Variants in HELLS observed in about 807,000 individuals in gnomAD.
The protein encoded by HELLS is helicase, lymphoid specific.
In HELLS, 32 loss-of-function variants were observed where a neutral mutation model predicts 120.0. The observed-to-expected ratio is 0.27, with a 90% confidence interval of 0.20 to 0.36. HELLS has a LOEUF of 0.36. Ranked by LOEUF, HELLS falls within the 10% of genes least tolerant of loss-of-function variation. HELLS has a pLI of 1.00. For synonymous variants in HELLS, 341 were observed against 323.4 expected, an observed-to-expected ratio of 1.05 and a Z score of -0.58; for missense variants, 650 against 993.4, an observed-to-expected ratio of 0.65 and a Z score of 4.65.
intron 2 of HELLS, among the ~76,000 whole-genome samples, chr10:94,549,502 G>A (rs1358379502): frequency 1.3e-5 from 2 of 152,188 alleles, no homozygotes; most frequent in Admixed American, 1.3e-4. Context: ...TAGTGCCTGT[G>A]AAGTGGAGGA....
intron 4 of HELLS, among the ~76,000 whole-genome samples, chr10:94,561,244 G>A (rs1843542951): frequency 6.6e-6 from 1 of 151,942 alleles, no homozygotes; most frequent in South Asian, 2.1e-4. Flanking sequence ...CTTGGCCTCT[G>A]AAAGTGCTGG....
intron 21 of HELLS, among the ~76,000 whole-genome samples, chr10:94,598,279 C>G (rs1484339628): frequency 1.3e-5 from 2 of 152,114 alleles, no homozygotes; most frequent in Non-Finnish European, 2.9e-5. Flanking sequence ...CGGATACAGG[C>G]AGAAACTAGA....
rs374632496 is a variant in HELLS, at chr10:94,592,445, C to T, written c.1902C>T (p.Tyr634=). The T allele has an allele frequency of 5.0e-6, 8 of 1,584,718 alleles. No individual in the cohort carries two copies. Among genetic ancestry groups the T allele is most frequent in the Non-Finnish European group, 6.8e-6 (8 of 1,168,830 alleles). The change falls in exon 17 of 22, where the codon TAC becomes TAT. Residue 634 remains tyrosine (Y), a synonymous_variant. Transcript: ENST00000348459. ...GCATGTTGGACATTTTGATGGATTA[C>T]TGCCATCTCAGAGATTTCAACTTCA... is the stretch of plus-strand genomic sequence containing the variant. ...MTSMLDILMD[Y]CHLRDFNFSR... is the part of the protein sequence containing the mutation.
chr10:94,604,161 G>A (rs1434015345), downstream of HELLS, among the ~76,000 whole-genome samples: 1 of 137,798 alleles, frequency 7.3e-6, no homozygotes, highest in African/African-American at 2.7e-5. Context: ...GTTTCACTTC[G>A]TCACCTGGGC....
intron 21 of HELLS, among the ~76,000 whole-genome samples, chr10:94,597,828 A>G (rs1413280856): frequency 6.6e-6 from 1 of 152,140 alleles, no homozygotes; most frequent in Non-Finnish European, 1.5e-5. Flanking sequence ...CCACTGCACC[A>G]AGCCTAACGT....
intron 3 of HELLS, among the ~76,000 whole-genome samples, chr10:94,555,638 CT>C (rs914910010): frequency 1.3e-5 from 2 of 151,630 alleles, no homozygotes; most frequent in African/African-American, 4.8e-5. Context: ...TTCTTTCTTT[CT>C]TTTTTTTGGA....
intron 10 of HELLS, among the ~76,000 whole-genome samples, chr10:94,580,742 C>A (rs918282698): frequency 6.6e-6 from 1 of 151,686 alleles, no homozygotes; most frequent in Admixed American, 6.6e-5. Flanking sequence ...ATTTATATTT[C>A]CAGAAATACT....
In HELLS at chr10:94,570,086, A is replaced by T. The variant is rs1844065522; in HGVS notation, c.436-1302A>T. Reference sequence around the variant, plus strand: ...GAGACAAGATCTTTCTCTGTTGCCCAGGGTGGAGTGCAGTGGTGCCATCTC... The same window carrying T: ...GAGACAAGATCTTTCTCTGTTGCCCTGGGTGGAGTGCAGTGGTGCCATCTC... On this transcript the variant is annotated intron_variant, in intron 6 of 21. Coordinates refer to ENST00000348459, the MANE Select transcript of HELLS (RefSeq NM_018063.5). The T allele has an allele frequency of 2.0e-5, 3 of 150,094 alleles. 1 individual carries two copies. In the Admixed American group the frequency reaches 2.0e-4, roughly 10 times the overall value. 9.3% of individuals were successfully genotyped at this position (150,094 alleles called of 1,614,324 possible).
At chr10:94,556,299 C>G (rs532561733) in intron 3 of HELLS, among the ~76,000 whole-genome samples, 1 of 152,052 alleles carries the variant, frequency 6.6e-6, no homozygotes. Context: ...TAGGGAGAAA[C>G]TGAGTTTGTT....
At chr10:94,590,612 C>T (rs1845439409) in intron 14 of HELLS, 26 bp from the exon 15 acceptor site, 4 of 1,604,666 alleles carry the variant, frequency 2.5e-6, no homozygotes, top group Admixed American at 1.8e-5. Flanking sequence ...TTGCATTTCC[C>T]ATATATGCAT....
At chr10:94,608,099 A>G (rs1340606160) in intron 9 of HELLS, 1 of 159,324 alleles carries the variant, frequency 6.3e-6, no homozygotes, top group Non-Finnish European at 1.4e-5. Flanking sequence ...GATAGTTTTA[A>G]GTTCCGTAGT....
intron 6 of HELLS, among the ~76,000 whole-genome samples, chr10:94,564,873 G>GC (rs1458279310): frequency 1.3e-5 from 2 of 151,886 alleles, no homozygotes; most frequent in African/African-American, 4.8e-5. Flanking sequence ...GCGATTACAG[G>GC]CATGAGGCAC....
At chr10:94,568,231 T>C (rs913593061) in intron 6 of HELLS, among the ~76,000 whole-genome samples, 1 of 147,056 alleles carries the variant, frequency 6.8e-6, no homozygotes, top group African/African-American at 2.5e-5. Context: ...TTTTAAAGAG[T>C]AGCCTGTGCA....
intron 10 of HELLS, among the ~76,000 whole-genome samples, chr10:94,579,201 CTTTTT>C (rs11431624): frequency 1.4e-4 from 19 of 133,832 alleles, no homozygotes; most frequent in East Asian, 6.4e-4. Flanking sequence ...CTACTTTTTT[CTTTTT>C]TTTTTTTTTT....
chr10:94,556,244 C>T (rs374670320), intron 3 of HELLS, among the ~76,000 whole-genome samples: 4 of 152,306 alleles, frequency 2.6e-5, no homozygotes, highest in Middle Eastern at 3.4e-3. Flanking sequence ...GGAAAACCCC[C>T]ACACATTGGG....
chr10:94,576,547 G>A, intron 9 of HELLS, 115 bp from the exon 10 acceptor site: 1 of 535,926 alleles, frequency 1.9e-6, no homozygotes, highest in East Asian at 3.2e-5. Flanking sequence ...TAGAAAAATA[G>A]AAATAAAATT....
intron 3 of HELLS, 115 bp from the exon 4 acceptor site, chr10:94,558,024 A>G (rs1443427309): frequency 7.4e-7 from 1 of 1,345,170 alleles, no homozygotes; most frequent in Non-Finnish European, 9.9e-7. Flanking sequence ...CTGGTTTTTA[A>G]TTATGATAGA....
intron 6 of HELLS, among the ~76,000 whole-genome samples, chr10:94,568,366 CTT>C (rs1843947620): frequency 1.3e-5 from 2 of 152,222 alleles, no homozygotes; most frequent in South Asian, 4.1e-4. Flanking sequence ...GAATCTTGCT[CTT>C]TTGTTTTCTC....
chr10:94,583,211 A>AG, intron 12 of HELLS, 152 bp downstream of exon 12: 1 of 440,276 alleles, frequency 2.3e-6, no homozygotes, highest in Non-Finnish European at 4.0e-6. Context: ...CTTCTCCCAG[A>AG]GGTCACATGG....
Sources: gnomAD v4.1 joint callset for allele counts (sites outside exome capture counted in the v4.1 genomes callset) on GRCh38, gnomAD v4.1.1 for gene constraint, MANE v1.5 for transcripts, NCBI Gene and HGNC (gene_info 2026-07-23, HGNC 2026-07-21) for gene names.